Variants in NSMCE2 observed in about 807,000 individuals in gnomAD.
The protein encoded by NSMCE2 is E3 SUMO-protein ligase NSE2.
NSMCE2 carries 24 observed loss-of-function variants against 23.8 expected under a neutral mutation model. The observed-to-expected ratio is 1.01, with a 90% CI of 0.73 to 1.42. The LOEUF is 1.42. NSMCE2 is among the 40% of genes most tolerant of loss of function. The pLI, the probability that NSMCE2 is intolerant of heterozygous loss-of-function variation, is 0.00. For missense variants in NSMCE2, 284 were observed against 296.5 expected, an observed-to-expected ratio of 0.96 and a Z score of 0.31; for synonymous variants, 92 against 94.1, an observed-to-expected ratio of 0.98 and a Z score of 0.13.
intron 5 of NSMCE2, among the ~76,000 whole-genome samples, chr8:125,321,158 A>G (rs78503936): frequency 0.011 from 1,670 of 152,290 alleles, 37 homozygotes; most frequent in African/African-American, 0.037. Flanking sequence ...GGGCAAGGAC[A>G]TAGATCCAAA....
chr8:125,346,112 G>A (rs1563797862), intron 5 of NSMCE2, among the ~76,000 whole-genome samples: 1 of 151,646 alleles, frequency 6.6e-6, no homozygotes. Context: ...AGCCAAGATC[G>A]CACCATTGCA....
intron 5 of NSMCE2, among the ~76,000 whole-genome samples, chr8:125,211,694 C>T (rs568306264): frequency 2.6e-5 from 4 of 152,150 alleles, no homozygotes; most frequent in Non-Finnish European, 4.4e-5. Flanking sequence ...TAATCTACAA[C>T]CCCATCAACA....
At chr8:125,306,763 G>A (rs1189032918) in intron 5 of NSMCE2, among the ~76,000 whole-genome samples, 2 of 152,162 alleles carry the variant, frequency 1.3e-5, no homozygotes, top group African/African-American at 4.8e-5. Context: ...TACAGGTCCT[G>A]GAGCTGGACT....
chr8:125,199,628 G>A (rs1823776656), intron 5 of NSMCE2, among the ~76,000 whole-genome samples: 1 of 152,164 alleles, frequency 6.6e-6, no homozygotes, highest in Non-Finnish European at 1.5e-5. Context: ...AGTGTGATGT[G>A]GTGCTGAGAA....
intron 5 of NSMCE2, among the ~76,000 whole-genome samples, chr8:125,325,932 AC>A (rs1161777003): frequency 1.3e-5 from 2 of 150,090 alleles, no homozygotes; most frequent in African/African-American, 2.5e-5. Flanking sequence ...AGCCTGGGCA[AC>A]AAGAGTGAAA....
intron 5 of NSMCE2, among the ~76,000 whole-genome samples, chr8:125,283,607 T>A (rs10093674): frequency 1.3e-5 from 2 of 152,142 alleles, no homozygotes; most frequent in African/African-American, 2.4e-5. Context: ...TTAATTAACC[T>A]CTGTGAATAT....
intron 5 of NSMCE2, among the ~76,000 whole-genome samples, chr8:125,290,795 A>C (rs1429200654): frequency 7.0e-6 from 1 of 143,522 alleles, no homozygotes; most frequent in Admixed American, 6.9e-5. Context: ...GACAACTCCT[A>C]CCACCACCAA....
chr8:125,124,387 A>G (rs1345780382), intron 3 of NSMCE2, among the ~76,000 whole-genome samples: 3 of 152,098 alleles, frequency 2.0e-5, no homozygotes, highest in Non-Finnish European at 4.4e-5. Context: ...ATTTTTGTAT[A>G]TTGATCATGC....
chr8:125,199,653 T>C (rs1823778130), intron 5 of NSMCE2, among the ~76,000 whole-genome samples: 1 of 152,206 alleles, frequency 6.6e-6, no homozygotes, highest in South Asian at 2.1e-4. Flanking sequence ...GTATATTCTG[T>C]TGATTTGGGG....
intron 5 of NSMCE2, among the ~76,000 whole-genome samples, chr8:125,249,027 C>G (rs1022292752): frequency 1.3e-5 from 2 of 151,976 alleles, no homozygotes; most frequent in Non-Finnish European, 2.9e-5. Flanking sequence ...AAAAATTAGC[C>G]GAGTATGGTG....
intron 5 of NSMCE2, among the ~76,000 whole-genome samples, chr8:125,356,701 C>T (rs2131366444): frequency 6.6e-6 from 1 of 152,084 alleles, no homozygotes; most frequent in South Asian, 2.1e-4. Flanking sequence ...TAAATATAAC[C>T]CACATAGAAA....
At chr8:125,104,467 A>G (rs1302760055) in intron 3 of NSMCE2, among the ~76,000 whole-genome samples, 5 of 152,072 alleles carry the variant, frequency 3.3e-5, no homozygotes, top group African/African-American at 1.2e-4. Context: ...GTCTCTCTTG[A>G]TTGCCCCGAG....
intron 5 of NSMCE2, among the ~76,000 whole-genome samples, chr8:125,278,557 A>G (rs533885317): frequency 2.0e-5 from 3 of 152,278 alleles, no homozygotes; most frequent in South Asian, 2.1e-4. Context: ...GTGCTGACCT[A>G]TTGTTTTAGG....
intron 5 of NSMCE2, among the ~76,000 whole-genome samples, chr8:125,276,028 G>GC (rs1827436404): frequency 1.3e-5 from 2 of 152,206 alleles, no homozygotes; most frequent in South Asian, 4.1e-4. Context: ...CCAGAGGTCT[G>GC]CCCCCCGCAC....
chr8:125,169,770 C>T (rs1275105828), intron 4 of NSMCE2, among the ~76,000 whole-genome samples: 2 of 151,982 alleles, frequency 1.3e-5, no homozygotes, highest in Admixed American at 6.6e-5. Flanking sequence ...TTACCTTCTT[C>T]AGTTTTTCCT....
At chr8:125,241,368 C>A (rs1399720211) in intron 5 of NSMCE2, among the ~76,000 whole-genome samples, 1 of 152,086 alleles carries the variant, frequency 6.6e-6, no homozygotes, top group African/African-American at 2.4e-5. Flanking sequence ...ATCAAATATA[C>A]AATTATAATA....
At chr8:125,339,933 G>A (rs1267284220) in intron 5 of NSMCE2, among the ~76,000 whole-genome samples, 3 of 152,020 alleles carry the variant, frequency 2.0e-5, no homozygotes, top group South Asian at 4.1e-4. Flanking sequence ...TCCTGAATGA[G>A]GAAGAGAAAA....
intron 5 of NSMCE2, among the ~76,000 whole-genome samples, chr8:125,290,312 A>C (rs1326674522): frequency 6.6e-6 from 1 of 152,192 alleles, no homozygotes; most frequent in East Asian, 1.9e-4. Flanking sequence ...GGTAGCAAAA[A>C]AAAATTAATA....
intron 4 of NSMCE2, among the ~76,000 whole-genome samples, chr8:125,169,631 A>G (rs1357018513): frequency 1.3e-5 from 2 of 152,120 alleles, no homozygotes; most frequent in East Asian, 3.8e-4. Context: ...CCATGTTCAC[A>G]GTCTTCAGTC....
Sources: allele counts gnomAD v4.1 joint callset (sites outside exome capture counted in the v4.1 genomes callset), GRCh38; gene constraint gnomAD v4.1.1; transcripts MANE v1.5; gene names NCBI Gene and HGNC (gene_info 2026-07-23, HGNC 2026-07-21).